Variants in FAM184B observed in about 807,000 individuals in gnomAD.
The protein encoded by FAM184B is family with sequence similarity 184 member B.
FAM184B carries 111 observed loss-of-function variants against 135.9 expected under a neutral mutation model. That is an observed-to-expected ratio of 0.82 (90% CI 0.70 to 0.96). The LOEUF (loss-of-function observed/expected upper bound fraction) is 0.96. Ranked by LOEUF, FAM184B falls within the 40% of genes least tolerant of loss-of-function variation. The pLI, the probability that FAM184B is intolerant of heterozygous loss-of-function variation, is 0.00. For synonymous variants in FAM184B, 552 were observed against 524.8 expected (o/e 1.05, Z -0.71); for missense variants, 1,375 against 1,323.9 (o/e 1.04, Z -0.60).
intron 5 of FAM184B, among the ~76,000 whole-genome samples, chr4:17,703,736 A>T (rs1014654465): frequency 3.9e-5 from 6 of 151,964 alleles, no homozygotes; most frequent in African/African-American, 7.2e-5. Context: ...ATCTAGACCA[A>T]CCTGGCCAAC....
intron 1 of FAM184B, among the ~76,000 whole-genome samples, chr4:17,733,507 A>G (rs773274266): frequency 1.3e-5 from 2 of 152,244 alleles, no homozygotes; most frequent in East Asian, 3.8e-4. Context: ...AAATCAATGT[A>G]CAAAAATCAC....
intron 1 of FAM184B, among the ~76,000 whole-genome samples, chr4:17,770,764 C>G (rs372065325): frequency 6.6e-6 from 1 of 152,152 alleles, no homozygotes; most frequent in Non-Finnish European, 1.5e-5. Flanking sequence ...CCGCGCCCGG[C>G]CAGAACTAGA....
In FAM184B at chr4:17,693,554, C is replaced by T. The variant is rs895724481; in HGVS notation, c.1378-142G>A. 31 of 660,634 alleles carry T rather than the reference C, an allele frequency of 4.7e-5. No homozygotes were observed. In the East Asian group the frequency reaches 7.8e-4, roughly 17 times the overall value. The allele number at this position is 660,634 out of a possible 1,614,324, so 40.9% of individuals were successfully genotyped here. A position where few individuals can be genotyped will look rare whatever the true frequency, so the allele number is the denominator to read the frequency against. ...CAAATAAACATAAATTAGACATACA[C>T]GAGAAGGTCAAAAGAAAACACGTGT... is the stretch of plus-strand genomic sequence containing the variant. On this transcript the variant is annotated intron_variant, in intron 5 of 17. Coordinates refer to ENST00000265018, the MANE Select transcript of FAM184B (RefSeq NM_015688.2).
chr4:17,734,075 T>G (rs1456342534), intron 1 of FAM184B, among the ~76,000 whole-genome samples: 1 of 152,140 alleles, frequency 6.6e-6, no homozygotes, highest in Non-Finnish European at 1.5e-5. Flanking sequence ...AAACAAGCAA[T>G]GGGGAAAGGA....
At chr4:17,647,567 G>T in intron 12 of FAM184B, 70 bp downstream of exon 12, 1 of 1,488,652 alleles carries the variant, frequency 6.7e-7, no homozygotes. Flanking sequence ...CATCCTTTAT[G>T]GGGCTTCTTA....
At chr4:17,744,532 C>T (rs1349497744) in intron 1 of FAM184B, among the ~76,000 whole-genome samples, 1 of 151,684 alleles carries the variant, frequency 6.6e-6, no homozygotes, top group Non-Finnish European at 1.5e-5. Flanking sequence ...CCATTCACCT[C>T]TCATCTCTGC....
chr4:17,742,505 T>G (rs1006907441), intron 1 of FAM184B, among the ~76,000 whole-genome samples: 5 of 152,062 alleles, frequency 3.3e-5, no homozygotes, highest in Admixed American at 1.3e-4. Context: ...GCTGACCCCA[T>G]TTTTCTGCGC....
intron 6 of FAM184B, among the ~76,000 whole-genome samples, chr4:17,691,856 CAT>C (rs1201042108): frequency 2.0e-5 from 3 of 151,944 alleles, no homozygotes; most frequent in Non-Finnish European, 4.4e-5. Context: ...AGACTGAGAC[CAT>C]CCTGGCCAAC....
chr4:17,765,750 G>C (rs550409760), intron 1 of FAM184B, among the ~76,000 whole-genome samples: 46 of 152,324 alleles, frequency 3.0e-4, no homozygotes, highest in African/African-American at 1.1e-3. Context: ...CTGACTTGAA[G>C]AATAAAGCCA....
intron 7 of FAM184B, among the ~76,000 whole-genome samples, chr4:17,682,193 G>T (rs967171181): frequency 1.3e-5 from 2 of 152,210 alleles, no homozygotes; most frequent in Non-Finnish European, 2.9e-5. Flanking sequence ...CGCCCGTTCA[G>T]TGTGGCCCAG....
intron 12 of FAM184B, among the ~76,000 whole-genome samples, chr4:17,645,380 T>G (rs1455887731): frequency 6.6e-6 from 1 of 152,084 alleles, no homozygotes; most frequent in Non-Finnish European, 1.5e-5. Flanking sequence ...AAAACAGAGA[T>G]ATAGACCAAT....
intron 1 of FAM184B, among the ~76,000 whole-genome samples, chr4:17,739,558 T>TTTTTTTGTTTTTTTTTG (rs1717982986): frequency 8.7e-6 from 1 of 114,974 alleles, no homozygotes; most frequent in African/African-American, 3.2e-5. Flanking sequence ...ACCAACTGTT[T>TTTTTTTGTTTTTTTTTG]TTTTTTTTTT....
intron 5 of FAM184B, among the ~76,000 whole-genome samples, chr4:17,698,876 A>T (rs1000606262): frequency 6.6e-6 from 1 of 152,212 alleles, no homozygotes; most frequent in Non-Finnish European, 1.5e-5. Context: ...CAACAACTTA[A>T]CATTCTCAAT....
intron 7 of FAM184B, among the ~76,000 whole-genome samples, chr4:17,673,530 C>G (rs1458121695): frequency 2.0e-5 from 3 of 152,114 alleles, no homozygotes. Context: ...GCTCATCAAT[C>G]AACGAGCAGA....
rs1717402022 is a variant in FAM184B, at chr4:17,716,391, G to A, written c.142-6747C>T. On this transcript the variant is annotated intron_variant, in intron 1 of 17. Transcript: ENST00000265018. ...AGACAGGGTCTCTATGTCCCAGGCT[G>A]GAGTGCAGTGGTGTTATTATGGCTC... Among the ~76,000 whole-genome samples the A allele has an allele frequency of 2.6e-5, 4 of 152,222 alleles. No homozygotes were observed. In the South Asian group the frequency reaches 8.3e-4, roughly 32 times the overall value.
intron 7 of FAM184B, among the ~76,000 whole-genome samples, chr4:17,678,528 G>A (rs145007762): frequency 6.8e-4 from 104 of 151,952 alleles, no homozygotes; most frequent in Non-Finnish European, 1.1e-3. Flanking sequence ...AAAATCATAG[G>A]CAACACAAAC....
chr4:17,652,054 A>AATG (rs552273890), intron 11 of FAM184B, among the ~76,000 whole-genome samples: 133 of 152,146 alleles, frequency 8.7e-4, no homozygotes, highest in African/African-American at 3.1e-3. Flanking sequence ...ATGCAATAAT[A>AATG]ATGATGATGA....
intron 1 of FAM184B, among the ~76,000 whole-genome samples, chr4:17,778,591 G>A (rs1423223693): frequency 2.0e-5 from 3 of 152,176 alleles, no homozygotes; most frequent in African/African-American, 4.8e-5. Context: ...TGAATGCGGT[G>A]GCACATGCCT....
chr4:17,765,266 G>A (rs1402482781), intron 1 of FAM184B, among the ~76,000 whole-genome samples: 1 of 152,002 alleles, frequency 6.6e-6, no homozygotes, highest in Non-Finnish European at 1.5e-5. Flanking sequence ...TCTTTTTCTA[G>A]GCTGGTCTCT....
Sources: gnomAD v4.1 joint callset for allele counts (sites outside exome capture counted in the v4.1 genomes callset) on GRCh38, gnomAD v4.1.1 for gene constraint, MANE v1.5 for transcripts, NCBI Gene and HGNC (gene_info 2026-07-23, HGNC 2026-07-21) for gene names.